VAC14: variants seen among roughly 807,000 people sequenced by gnomAD.
VAC14 encodes the protein VAC14 component of PIKFYVE complex, also known as protein VAC14 homolog.
A neutral mutation model predicts 85.3 loss-of-function variants in VAC14; 47 were observed. That is an observed-to-expected ratio of 0.55 (90% CI 0.44 to 0.70). VAC14 has a LOEUF of 0.70. Ranked by LOEUF, VAC14 falls within the 30% of genes least tolerant of loss-of-function variation. VAC14 has a pLI of 0.00. For missense variants in VAC14, 861 were observed against 1,004.3 expected (o/e 0.86, Z 1.93); for synonymous variants, 447 against 430.5 (o/e 1.04, Z -0.47).
At chr16:70,790,574 C>G (rs1020117996) in intron 1 of VAC14, among the ~76,000 whole-genome samples, 4 of 152,114 alleles carry the variant, frequency 2.6e-5, no homozygotes, top group Non-Finnish European at 5.9e-5. Flanking sequence ...TTGAAGAGTA[C>G]GAGGAAAGTG....
chr16:70,711,721 G>C (rs970833770), intron 14 of VAC14, among the ~76,000 whole-genome samples: 1 of 152,204 alleles, frequency 6.6e-6, no homozygotes, highest in Non-Finnish European at 1.5e-5. Context: ...TTAGGAGCTA[G>C]AGCCATGAGT....
At chr16:70,758,814 C>T (rs2032079372) in intron 12 of VAC14, among the ~76,000 whole-genome samples, 1 of 152,224 alleles carries the variant, frequency 6.6e-6, no homozygotes. Context: ...AGATCTCTAG[C>T]TATGGGAGGA....
At chr16:70,721,760 C>T (rs1407122699) in intron 14 of VAC14, among the ~76,000 whole-genome samples, 6 of 152,020 alleles carry the variant, frequency 3.9e-5, no homozygotes, top group African/African-American at 7.2e-5. Context: ...CTGCGGATTG[C>T]GGGCTGGCGG....
chr16:70,742,149 T>C (rs929830489), intron 13 of VAC14, among the ~76,000 whole-genome samples: 3 of 152,214 alleles, frequency 2.0e-5, no homozygotes, highest in Non-Finnish European at 2.9e-5. Flanking sequence ...CACAAGGCTG[T>C]GCTGCCTTCA....
chr16:70,787,612 A>G (rs116098985), intron 1 of VAC14, among the ~76,000 whole-genome samples: 5,890 of 152,302 alleles, frequency 0.039, 363 homozygotes, highest in African/African-American at 0.13. Context: ...ATGTGGTGGC[A>G]GGAGTGCCCC....
At chr16:70,701,504 G>A (rs2053827793) in intron 14 of VAC14, among the ~76,000 whole-genome samples, 1 of 152,068 alleles carries the variant, frequency 6.6e-6, no homozygotes, top group Admixed American at 6.5e-5. Context: ...TACCCTGGGA[G>A]CACAACCTAC....
At chr16:70,784,872 G>A (rs1188322426) in intron 3 of VAC14, 34 bp from the exon 4 acceptor site, 1 of 1,600,442 alleles carries the variant, frequency 6.2e-7, no homozygotes, top group Non-Finnish European at 8.6e-7. Flanking sequence ...GGGACACAGA[G>A]GCGAGGGTCA....
chr16:70,776,190 T>C (rs1448490467), intron 9 of VAC14, among the ~76,000 whole-genome samples: 1 of 152,208 alleles, frequency 6.6e-6, no homozygotes, highest in Non-Finnish European at 1.5e-5. Flanking sequence ...AGCCTCGAGC[T>C]CCTGGGCTCA....
At chr16:70,774,443 G>A (rs993054874) in intron 9 of VAC14, among the ~76,000 whole-genome samples, 1 of 152,182 alleles carries the variant, frequency 6.6e-6, no homozygotes, top group South Asian at 2.1e-4. Flanking sequence ...TACTGGTGAC[G>A]TTAACCTCAT....
At chr16:70,710,393 T>C (rs1280722025) in intron 14 of VAC14, among the ~76,000 whole-genome samples, 1 of 152,106 alleles carries the variant, frequency 6.6e-6, no homozygotes, top group Admixed American at 6.5e-5. Flanking sequence ...GGACGGGTAA[T>C]GGAAAGGCAT....
intron 12 of VAC14, among the ~76,000 whole-genome samples, chr16:70,760,337 T>C (rs536089040): frequency 1.3e-5 from 2 of 152,274 alleles, no homozygotes; most frequent in East Asian, 3.9e-4. Context: ...CAGGAGAAGA[T>C]GGGCTTTGTC....
chr16:70,753,677 G>A (rs866591575), intron 12 of VAC14, among the ~76,000 whole-genome samples: 5 of 152,150 alleles, frequency 3.3e-5, no homozygotes, highest in Admixed American at 6.5e-5. Context: ...CTGGGCACCC[G>A]GGCTCTGCTT....
intron 3 of VAC14, among the ~76,000 whole-genome samples, chr16:70,785,066 T>C (rs2033985013): frequency 6.6e-6 from 1 of 152,240 alleles, no homozygotes; most frequent in Non-Finnish European, 1.5e-5. Flanking sequence ...GTTCAGGGAC[T>C]TCTCCCATGA....
rs148931967 is a variant in VAC14, at chr16:70,762,985, C to T, written c.1201G>A (p.Val401Met). 6.9e-5 allele frequency: 112 copies of T among 1,614,054 alleles called. No homozygotes were observed. Among genetic ancestry groups the T allele is most frequent in the Middle Eastern group, 1.6e-4 (1 of 6,084 alleles). ...APVTLHLDGI[V>M]QVLNCHLSDT... ...CTGAGGTGGCAGTTTAGGACCTGCA[C>T]GATCCCGTCGAGGTGAAGGGTCACT... Residue 401 changes from valine to methionine, a missense_variant, in exon 11 of 19, where the codon GTG (valine) becomes ATG (methionine). Around this residue, in one of 3 missense-constraint regions of VAC14, gnomAD observed 629 missense variants for 703.1 expected, o/e 0.89. Coordinates refer to ENST00000261776, the MANE Select transcript of VAC14 (RefSeq NM_018052.5). This position sits in a 1 kb window ranked among gnomAD's most constrained non-coding sequence, Gnocchi z 4.1.
At chr16:70,716,551 T>C (rs2054170789) in intron 14 of VAC14, 1 of 152,300 alleles carries the variant, frequency 6.6e-6, no homozygotes, top group South Asian at 2.1e-4. Context: ...AAAGCCTCAG[T>C]TTCTTTCTGT....
chr16:70,787,457 G>T (rs1459488778), intron 1 of VAC14, among the ~76,000 whole-genome samples: 2 of 152,160 alleles, frequency 1.3e-5, no homozygotes, highest in African/African-American at 4.8e-5. Context: ...AGGGGCTGCT[G>T]GTCACCCAGG....
At chr16:70,701,494 T>G (rs1201684863) in intron 14 of VAC14, among the ~76,000 whole-genome samples, 4 of 152,026 alleles carry the variant, frequency 2.6e-5, no homozygotes. Flanking sequence ...ATGGGGGCCT[T>G]ACCCTGGGAG....
intron 18 of VAC14, chr16:70,692,145 T>TGGGGTAGGGGCCAGCCGTGGGTTC: frequency 2.1e-6 from 2 of 959,170 alleles, no homozygotes; most frequent in Non-Finnish European, 2.5e-6. Flanking sequence ...CTACAGGCTC[T>TGGGGTAGGGGCCAGCCGTGGGTTC]GGGGTAGGGG....
intron 10 of VAC14, chr16:70,768,606 GGCTTCCCGAGTATC>G: frequency 3.1e-6 from 1 of 321,394 alleles, no homozygotes; most frequent in East Asian, 1.1e-4. Flanking sequence ...GGCCACCAGG[GGCTTCCCGAGTATC>G]GCAGGAAGAG....
Sources: gnomAD v4.1 joint callset for allele counts (sites outside exome capture counted in the v4.1 genomes callset) on GRCh38, gnomAD v4.1.1 for gene constraint, gnomAD v4.1.1 regional missense constraint, Gnocchi (gnomAD v3.1) non-coding constraint, MANE v1.5 for transcripts, NCBI Gene and HGNC (gene_info 2026-07-23, HGNC 2026-07-21) for gene names.